Variants in KLF13 observed in about 807,000 individuals in gnomAD.
KLF13 encodes Krueppel-like factor 13.
Under a neutral mutation model 16.7 loss-of-function variants are expected in KLF13, and 8 were observed. The observed-to-expected ratio is 0.48, with a 90% confidence interval of 0.28 to 0.87. The LOEUF is 0.87. KLF13 is among the 40% of genes least tolerant of loss of function. KLF13 has a pLI of 0.10. For synonymous variants in KLF13, 245 were observed against 208.4 expected (o/e 1.18, Z -1.51); for missense variants, 447 against 452.2 (o/e 0.99, Z 0.10).
intron 1 of KLF13, among the ~76,000 whole-genome samples, chr15:31,341,243 C>T (rs1045773325): frequency 1.3e-5 from 2 of 152,162 alleles, no homozygotes; most frequent in African/African-American, 4.8e-5. Context: ...GAGCCCATCT[C>T]TGGGTTTTCA....
intron 1 of KLF13, among the ~76,000 whole-genome samples, chr15:31,357,288 C>T (rs755952276): frequency 7.2e-5 from 11 of 152,234 alleles, no homozygotes; most frequent in South Asian, 2.1e-4. Context: ...CTTCTCGTTG[C>T]GTGGCCTCTG....
chr15:31,405,118 G>A (rs1200380940), downstream of KLF13, among the ~76,000 whole-genome samples: 1 of 152,172 alleles, frequency 6.6e-6, no homozygotes, highest in Non-Finnish European at 1.5e-5. Context: ...AGGTGACTAG[G>A]TCATGCGAGC....
chr15:31,347,577 C>T (rs886666450), intron 1 of KLF13, among the ~76,000 whole-genome samples: 4 of 152,168 alleles, frequency 2.6e-5, no homozygotes, highest in African/African-American at 9.7e-5. Flanking sequence ...TCATGAGGGA[C>T]GAGGGCATCC....
chr15:31,415,975 TAA>T (rs1460959517), intron 1 of KLF13, among the ~76,000 whole-genome samples: 4 of 151,896 alleles, frequency 2.6e-5, no homozygotes, highest in Non-Finnish European at 5.9e-5. Flanking sequence ...GAATCAGGAA[TAA>T]AAGAGGAGAC....
At chr15:31,359,170 T>A (rs749950076) in intron 1 of KLF13, among the ~76,000 whole-genome samples, 1 of 152,168 alleles carries the variant, frequency 6.6e-6, no homozygotes. Flanking sequence ...TCCCTACTTA[T>A]CCATTGAGGA....
At chr15:31,332,592 G>A (rs1440628218) in intron 1 of KLF13, among the ~76,000 whole-genome samples, 1 of 152,258 alleles carries the variant, frequency 6.6e-6, no homozygotes, top group Non-Finnish European at 1.5e-5. Context: ...AGTAGCCTGT[G>A]TCTGGGGCTT....
chr15:31,427,324 A>T (rs961392077), intron 1 of KLF13, among the ~76,000 whole-genome samples: 1 of 143,492 alleles, frequency 7.0e-6, no homozygotes, highest in African/African-American at 3.0e-5. Flanking sequence ...GGACCACTGT[A>T]AAAAAACAAA....
intron 1 of KLF13, among the ~76,000 whole-genome samples, chr15:31,421,998 C>A (rs1364363116): frequency 6.6e-6 from 1 of 151,838 alleles, no homozygotes; most frequent in Non-Finnish European, 1.5e-5. Context: ...ACCTGTAATC[C>A]CAGCTACTCA....
rs1316384789 is a variant in KLF13 at position 31,432,583 on chromosome 15, G to A, written n.118-2787G>A. On this transcript the variant is annotated intron_variant and non_coding_transcript_variant, in intron 1 of 1. Coordinates refer to the KLF13 transcript ENST00000558225. ...CCTGCCTCAGCTTCCTGAGTAGCTG[G>A]GACTATAGGCATGCACCACCACACC... 3.3e-5 allele frequency among the ~76,000 whole-genome samples: 5 copies of A among 151,566 alleles called. No individual in the cohort carries two copies. In the East Asian group the frequency reaches 5.8e-4, roughly 18 times the overall value.
rs1056476174 is a variant in KLF13 at position 31,328,090 on chromosome 15, G to A, written c.577+301G>A. Among the ~76,000 whole-genome samples the A allele has an allele frequency of 4.3e-5, 6 of 141,024 alleles. No homozygotes were observed. The East Asian group carries it at 1.3e-3, about 32-fold the overall frequency. 92.5% of individuals were successfully genotyped at this position (141,024 alleles called of 152,430 possible). On this transcript the variant is annotated intron_variant, in intron 1 of 1. Transcript: ENST00000307145. ...ATATAGTCATCTGGGCTGGGGGCGG[G>A]GACCCCTCCCGGCCGGGAGGCGGCG... is the stretch of plus-strand genomic sequence containing the variant.
At chr15:31,349,676 CG>C (rs2039185255) in intron 1 of KLF13, among the ~76,000 whole-genome samples, 1 of 152,156 alleles carries the variant, frequency 6.6e-6, no homozygotes, top group Admixed American at 6.5e-5. Context: ...AGAAGTCCTC[CG>C]GGCCCATGTG....
At chr15:31,351,311 A>G (rs2140948032) in intron 1 of KLF13, among the ~76,000 whole-genome samples, 1 of 152,368 alleles carries the variant, frequency 6.6e-6, no homozygotes, top group South Asian at 2.1e-4. Flanking sequence ...AAGGAAAATT[A>G]ATGAAGAGGA....
At chr15:31,369,750 T>A (rs1468174593) in intron 1 of KLF13, among the ~76,000 whole-genome samples, 1 of 152,326 alleles carries the variant, frequency 6.6e-6, no homozygotes, top group African/African-American at 2.4e-5. Flanking sequence ...TGTCTCTAGC[T>A]CCTTGGTTTT....
At chr15:31,335,965 A>G (rs8029932) in intron 1 of KLF13, among the ~76,000 whole-genome samples, 152,213 of 152,384 alleles carry the variant, frequency 1, 76,022 homozygotes, top group Non-Finnish European at 1. Context: ...CTCAGGAGAA[A>G]CTTCTAAAGG....
intron 2 of KLF13, among the ~76,000 whole-genome samples, chr15:31,402,946 C>T (rs1254608858): frequency 6.6e-6 from 1 of 152,190 alleles, no homozygotes; most frequent in Non-Finnish European, 1.5e-5. Context: ...CGTAAGCAGC[C>T]TCGCTATCCC....
upstream of KLF13, among the ~76,000 whole-genome samples, chr15:31,388,405 A>T (rs1412815195): frequency 1.3e-5 from 2 of 152,114 alleles, no homozygotes; most frequent in African/African-American, 4.8e-5. Flanking sequence ...TGAGGTCAGG[A>T]GTTCAAGACC....
In KLF13 at chr15:31,372,396, C is replaced by T. The variant is rs1222916504; in HGVS notation, c.*97C>T. ...GAAGAGAGAGAACTTGATGCAAAGT[C>T]CACGAAAAAACAATTTTTTTCACCT... On this transcript the variant is annotated 3_prime_UTR_variant, in exon 2 of 2. Transcript: ENST00000307145. 7.8e-7 allele frequency: 1 copy of T among 1,280,862 alleles called. No homozygotes were observed. Among genetic ancestry groups the T allele is most frequent in the Non-Finnish European group, 1.0e-6 (1 of 994,978 alleles). 79.3% of individuals were successfully genotyped at this position (1,280,862 alleles called of 1,614,324 possible). A position where few individuals can be genotyped will look rare whatever the true frequency, so the allele number is the denominator to read the frequency against.
downstream of KLF13, among the ~76,000 whole-genome samples, chr15:31,406,401 C>A (rs556892473): frequency 6.6e-6 from 1 of 152,114 alleles, no homozygotes; most frequent in Non-Finnish European, 1.5e-5. Context: ...CGCTTGAACC[C>A]GGGAGGCAGA....
chr15:31,417,011 C>G (rs770542883), intron 1 of KLF13, among the ~76,000 whole-genome samples: 1 of 152,070 alleles, frequency 6.6e-6, no homozygotes, highest in South Asian at 2.1e-4. Flanking sequence ...GAGTAATTAT[C>G]GTGATTAGTT....
Sources: gnomAD v4.1 joint callset for allele counts (sites outside exome capture counted in the v4.1 genomes callset) on GRCh38, gnomAD v4.1.1 for gene constraint, MANE v1.5 for transcripts, NCBI Gene and HGNC (gene_info 2026-07-23, HGNC 2026-07-21) for gene names.